The following TYW1B variants were observed in gnomAD, a reference collection of about 807,000 sequenced individuals.
TYW1B encodes tRNA-yW synthesizing protein 1 homolog B.
A neutral mutation model predicts 86.9 loss-of-function variants in TYW1B; 73 were observed. That is an observed-to-expected ratio of 0.84 (90% CI 0.70 to 1.02). The LOEUF is 1.02. TYW1B is among the 50% of genes least tolerant of loss of function. TYW1B has a pLI of 0.00. For synonymous variants in TYW1B, 248 were observed against 292.8 expected (o/e 0.85, Z 1.56); for missense variants, 637 against 827.4 (o/e 0.77, Z 2.82).
At chr7:72,722,462 A>AG in intron 9 of TYW1B, among the ~76,000 whole-genome samples, 1 of 152,306 alleles carries the variant, frequency 6.6e-6, no homozygotes, top group Non-Finnish European at 1.5e-5. Flanking sequence ...AGTACTTAGA[A>AG]GGGGGCAGGC....
At chr7:72,665,681 C>T (rs1585887442) in intron 11 of TYW1B, among the ~76,000 whole-genome samples, 1 of 152,186 alleles carries the variant, frequency 6.6e-6, no homozygotes, top group East Asian at 1.9e-4. Context: ...GGTCTTGCTC[C>T]ATTGTGTTCA....
intron 7 of TYW1B, among the ~76,000 whole-genome samples, chr7:72,745,849 GGGGTGTGTGTGTGTGTGTGT>G (rs1443037858): frequency 2.3e-5 from 3 of 130,116 alleles, no homozygotes; most frequent in East Asian, 2.7e-4. Flanking sequence ...CACGTGTATA[GGGGTGTGTGTGTGTGTGTGT>G]GTGTGTGTGT....
At chr7:72,670,897 T>C (rs1351936018) in intron 11 of TYW1B, among the ~76,000 whole-genome samples, 3 of 152,218 alleles carry the variant, frequency 2.0e-5, no homozygotes, top group African/African-American at 7.2e-5. Context: ...AAAATAAATA[T>C]ACACGATGTA....
At chr7:72,740,955 C>A (rs772369816) in intron 8 of TYW1B, among the ~76,000 whole-genome samples, 2 of 152,048 alleles carry the variant, frequency 1.3e-5, no homozygotes, top group African/African-American at 2.4e-5. Context: ...TGGTCTCAAT[C>A]TCCTGATCTC....
chr7:72,633,743 G>C (rs554744680), intron 11 of TYW1B, among the ~76,000 whole-genome samples: 1 of 151,790 alleles, frequency 6.6e-6, no homozygotes, highest in South Asian at 2.1e-4. Context: ...TCCATGTTTA[G>C]GTTTGTTCAT....
intron 6 of TYW1B, among the ~76,000 whole-genome samples, chr7:72,787,516 G>A (rs1451141778): frequency 2.6e-5 from 4 of 151,640 alleles, no homozygotes; most frequent in Non-Finnish European, 5.9e-5. Flanking sequence ...CAGGACTTTG[G>A]GAGGCCAAGG....
chr7:72,707,668 A>T (rs1814645479), intron 10 of TYW1B, among the ~76,000 whole-genome samples: 1 of 152,216 alleles, frequency 6.6e-6, no homozygotes, highest in Admixed American at 6.5e-5. Flanking sequence ...GCTTCTACAC[A>T]GCATCCACAA....
chr7:72,734,222 C>A (rs1446924660), intron 8 of TYW1B, among the ~76,000 whole-genome samples: 2 of 116,730 alleles, frequency 1.7e-5, no homozygotes, highest in Non-Finnish European at 3.4e-5. Context: ...CACATCATTG[C>A]GCTCCAGCGC....
Position 72,807,163 on chromosome 7 carries a change from T to G in TYW1B, c.626A>C (p.His209Pro). 1 of 1,614,018 alleles carries G rather than the reference T, an allele frequency of 6.2e-7. No homozygotes were observed. The highest frequency in any genetic ancestry group is 8.5e-7 in the Non-Finnish European group (1 of 1,179,984). Residue 209 changes from histidine (H) to proline (P), a missense_variant, in exon 5 of 14, where the codon CAC becomes CCC. By Grantham distance (77) the His-to-Pro change is moderately conservative. Transcript: ENST00000620995. ...KGERKKSCGG[H>P]CKKGKCESHQ... ...AGATTCACATTTGCCTTTCTTGCAG[T>G]GGCCGCCACAGGACTTCTTTCTCTC... is the stretch of plus-strand genomic sequence containing the variant.
At chr7:72,756,941 G>T (rs1328806543) in intron 7 of TYW1B, among the ~76,000 whole-genome samples, 1 of 152,154 alleles carries the variant, frequency 6.6e-6, no homozygotes, top group Non-Finnish European at 1.5e-5. Context: ...GATACCACCT[G>T]ATACGCCCTA....
intron 6 of TYW1B, among the ~76,000 whole-genome samples, chr7:72,798,284 G>A (rs1445934770): frequency 6.6e-6 from 1 of 151,954 alleles, no homozygotes; most frequent in East Asian, 1.9e-4. Flanking sequence ...CCAGCTACTC[G>A]GGAGGCTGAG....
intron 11 of TYW1B, among the ~76,000 whole-genome samples, chr7:72,675,564 T>C (rs868954876): frequency 3.2e-3 from 410 of 128,362 alleles, no homozygotes; most frequent in African/African-American, 7.1e-3. Context: ...TATACACACA[T>C]ATATATATAC....
chr7:72,806,943 GC>G, intron 5 of TYW1B, 122 bp downstream of exon 5: 1 of 1,358,980 alleles, frequency 7.4e-7, no homozygotes, highest in East Asian at 2.5e-5. Flanking sequence ...GCGAGCCACT[GC>G]ACTCAGCCAG....
chr7:72,732,794 A>T (rs1446140708), intron 8 of TYW1B, among the ~76,000 whole-genome samples: 3 of 152,098 alleles, frequency 2.0e-5, no homozygotes, highest in African/African-American at 7.2e-5. Context: ...AGACTAAAAG[A>T]ACACAAAAAT....
At chr7:72,675,630 ATACT>A (rs1183644660) in intron 11 of TYW1B, among the ~76,000 whole-genome samples, 2 of 151,476 alleles carry the variant, frequency 1.3e-5, no homozygotes, top group African/African-American at 4.8e-5. Flanking sequence ...ACACACACAC[ATACT>A]AATATATGGT....
chr7:72,581,647 T>C (rs1268369840), intron 13 of TYW1B, among the ~76,000 whole-genome samples: 2 of 151,884 alleles, frequency 1.3e-5, no homozygotes, highest in Non-Finnish European at 2.9e-5. Context: ...TTTGAAGAGA[T>C]GGAGTTGCAC....
chr7:72,651,655 C>T (rs61523350), intron 11 of TYW1B, among the ~76,000 whole-genome samples: 7 of 140,672 alleles, frequency 5.0e-5, no homozygotes, highest in Non-Finnish European at 9.5e-5. Flanking sequence ...ATAAATGTGT[C>T]TACATGTATA....
intron 13 of TYW1B, among the ~76,000 whole-genome samples, chr7:72,616,389 C>T (rs1392028878): frequency 6.6e-6 from 1 of 152,170 alleles, no homozygotes; most frequent in Non-Finnish European, 1.5e-5. Flanking sequence ...GAGGTTATTA[C>T]AAGGGCATTT....
chr7:72,655,134 G>A (rs1417298643), intron 11 of TYW1B, among the ~76,000 whole-genome samples: 3 of 152,042 alleles, frequency 2.0e-5, no homozygotes, highest in African/African-American at 7.3e-5. Context: ...ACCACACCTC[G>A]AAAAGAGCAT....
Sources: allele counts gnomAD v4.1 joint callset (sites outside exome capture counted in the v4.1 genomes callset), GRCh38; gene constraint gnomAD v4.1.1; transcripts MANE v1.5; gene names NCBI Gene and HGNC (gene_info 2026-07-23, HGNC 2026-07-21).